The following PTK2 variants were observed in gnomAD, a reference collection of about 807,000 sequenced individuals.
PTK2 encodes protein tyrosine kinase 2.
Under a neutral mutation model 150.1 loss-of-function variants are expected in PTK2, and 45 were observed. The observed-to-expected ratio is 0.30, with a 90% CI of 0.24 to 0.38. PTK2 has a LOEUF of 0.38. Among genes scored for constraint, PTK2 ranks in the 10% least tolerant of loss-of-function variants. The pLI is 1.00. For synonymous variants in PTK2, 432 were observed against 449.2 expected, an observed-to-expected ratio of 0.96 and a Z score of 0.48; for missense variants, 919 against 1,307.3, an observed-to-expected ratio of 0.70 and a Z score of 4.58.
intron 8 of PTK2, among the ~76,000 whole-genome samples, chr8:140,829,525 C>A (rs184988414): frequency 6.6e-6 from 1 of 152,130 alleles, no homozygotes; most frequent in Non-Finnish European, 1.5e-5. Flanking sequence ...TGGATTTTAT[C>A]CCCATTTTAC....
At chr8:140,917,532 T>C (rs2100165775) in intron 2 of PTK2, among the ~76,000 whole-genome samples, 2 of 152,090 alleles carry the variant, frequency 1.3e-5, no homozygotes, top group South Asian at 2.1e-4. Context: ...ACAAACTCAA[T>C]GAAATTAGAA....
intron 26 of PTK2, among the ~76,000 whole-genome samples, chr8:140,694,351 C>T (rs2100025167): frequency 6.6e-6 from 1 of 152,066 alleles, no homozygotes; most frequent in Non-Finnish European, 1.5e-5. Context: ...TGGTAAGCAT[C>T]TTTAGACATT....
At chr8:140,830,069 A>C (rs4434666) in intron 8 of PTK2, among the ~76,000 whole-genome samples, 2 of 151,844 alleles carry the variant, frequency 1.3e-5, no homozygotes, top group African/African-American at 4.8e-5. Context: ...ATGCACTAAC[A>C]TGCACGCACA....
Position 140,972,518 on chromosome 8 carries a change from G to A in PTK2, c.-122+28607C>T, listed in dbSNP as rs139163849. Among the ~76,000 whole-genome samples, 66 of 152,188 alleles carry A rather than the reference G, an allele frequency of 4.3e-4. No homozygotes were observed. In the East Asian group the frequency reaches 9.3e-3, roughly 21 times the overall value. ...GACCTCAAGTGATCTGCCTCCCTCC[G>A]CCTCCCAAAGTGCTGGGATTACAGG... On this transcript the variant is annotated intron_variant, in intron 1 of 31. Transcript: ENST00000522684.
chr8:140,746,737 G>GT lies in PTK2; in HGVS notation c.1518+22dup, dbSNP rs745820321. ...AGATATCAAACGCTGAGTCCAGAAG[G>GT]TAAGATTTGGGGATCACAGTACCTC... On this transcript the variant is annotated intron_variant, in intron 18 of 31. Coordinates refer to ENST00000522684, the Ensembl canonical transcript of PTK2. The GT allele has an allele frequency of 7.8e-6, 12 of 1,541,304 alleles. No homozygotes were observed. In the South Asian group the frequency reaches 1.4e-4, roughly 18 times the overall value.
intron 8 of PTK2, among the ~76,000 whole-genome samples, chr8:140,824,540 G>A (rs1052359727): frequency 2.0e-5 from 3 of 152,232 alleles, no homozygotes; most frequent in African/African-American, 7.2e-5. Context: ...CTTATGGTCT[G>A]TACTTAAATG....
At chr8:140,887,131 T>C (rs1349635709) in intron 3 of PTK2, among the ~76,000 whole-genome samples, 1 of 152,170 alleles carries the variant, frequency 6.6e-6, no homozygotes, top group Non-Finnish European at 1.5e-5. Flanking sequence ...GATTTTGTAA[T>C]AATAACTGGA....
At chr8:140,946,075 A>G (rs1277187195) in intron 1 of PTK2, among the ~76,000 whole-genome samples, 1 of 152,172 alleles carries the variant, frequency 6.6e-6, no homozygotes, top group Non-Finnish European at 1.5e-5. Flanking sequence ...AGGGAAAAGG[A>G]GAAGGAAAGC....
chr8:140,873,114 T>G (rs2100143465), intron 4 of PTK2, among the ~76,000 whole-genome samples: 1 of 152,210 alleles, frequency 6.6e-6, no homozygotes, highest in African/African-American at 2.4e-5. Flanking sequence ...AGCTAGAGTC[T>G]CTGAAAGAGA....
chr8:140,832,059 G>A (rs1008939416), intron 7 of PTK2, among the ~76,000 whole-genome samples: 5 of 152,048 alleles, frequency 3.3e-5, no homozygotes, highest in South Asian at 2.1e-4. Context: ...TCATATCAGA[G>A]TGTTTGTTTT....
chr8:140,756,805 C>T (rs1194562196), intron 16 of PTK2, among the ~76,000 whole-genome samples: 28 of 150,766 alleles, frequency 1.9e-4, no homozygotes, highest in Admixed American at 1.5e-3. Flanking sequence ...CTGGCTAACC[C>T]GTTGAAATCC....
chr8:140,813,234 A>C (rs2100102666), intron 10 of PTK2, among the ~76,000 whole-genome samples: 1 of 152,230 alleles, frequency 6.6e-6, no homozygotes, highest in Non-Finnish European at 1.5e-5. Context: ...AAATTTGCCC[A>C]AAACCACACA....
rs770555545 is a variant in PTK2, at chr8:140,686,482, T to C, written c.2562+150A>G. Reference sequence around the variant, plus strand: ...AATAAAAATTCTAGGCTGTACATCATAGATTTTCATAATCTTAAAATGTTA... The same window carrying C: ...AATAAAAATTCTAGGCTGTACATCACAGATTTTCATAATCTTAAAATGTTA... On this transcript the variant is annotated intron_variant, in intron 27 of 31. Coordinates refer to ENST00000522684, the Ensembl canonical transcript of PTK2. 53 of 761,136 alleles carry C rather than the reference T, an allele frequency of 7.0e-5. 1 individual carries two copies. The highest frequency in any genetic ancestry group is 1.3e-4 in the African/African-American group (7 of 55,902). The allele number at this position is 761,136 out of a possible 1,614,324, so 47.1% of individuals were successfully genotyped here.
rs2100136804 is a variant in PTK2, at chr8:140,862,474, T to C, written c.450+1838A>G. Reference sequence around the variant, plus strand: ...TCAGCTGGAATCTAAAAACGCCTTCTTAATCTTTCCATTTTACCAACTTAA... The same window carrying C: ...TCAGCTGGAATCTAAAAACGCCTTCCTAATCTTTCCATTTTACCAACTTAA... On this transcript the variant is annotated intron_variant, in intron 5 of 31. Coordinates refer to ENST00000522684, the Ensembl canonical transcript of PTK2. 2.0e-5 allele frequency among the ~76,000 whole-genome samples: 3 copies of C among 152,186 alleles called. No individual in the cohort carries two copies. In the South Asian group the frequency reaches 6.2e-4, roughly 32 times the overall value.
At chr8:140,754,925 T>C (rs946456342) in intron 16 of PTK2, among the ~76,000 whole-genome samples, 1 of 152,162 alleles carries the variant, frequency 6.6e-6, no homozygotes, top group African/African-American at 2.4e-5. Flanking sequence ...AAGTTACTAA[T>C]TGGTAATTAC....
chr8:140,916,333 G>A (rs962314262), intron 2 of PTK2, among the ~76,000 whole-genome samples: 5 of 152,184 alleles, frequency 3.3e-5, no homozygotes, highest in African/African-American at 7.2e-5. Flanking sequence ...CCACCACCTC[G>A]TAGGCACGAA....
At chr8:140,809,263 T>C (rs1018840993) in intron 10 of PTK2, among the ~76,000 whole-genome samples, 1 of 152,110 alleles carries the variant, frequency 6.6e-6, no homozygotes, top group African/African-American at 2.4e-5. Context: ...TGAAAATGAA[T>C]AGTACTGCTG....
intron 23 of PTK2, among the ~76,000 whole-genome samples, chr8:140,716,822 G>A (rs1281954740): frequency 6.6e-6 from 1 of 152,088 alleles, no homozygotes. Flanking sequence ...TAACTTTTGA[G>A]AAAAAGAACA....
chr8:140,701,600 G>T (rs1029804456), intron 25 of PTK2, among the ~76,000 whole-genome samples: 1 of 152,106 alleles, frequency 6.6e-6, no homozygotes, highest in Non-Finnish European at 1.5e-5. Context: ...GTAGTTCTTG[G>T]TTTTACCAAG....
Sources: gnomAD v4.1 joint callset for allele counts (sites outside exome capture counted in the v4.1 genomes callset) on GRCh38, gnomAD v4.1.1 for gene constraint, MANE v1.5 for transcripts, NCBI Gene and HGNC (gene_info 2026-07-23, HGNC 2026-07-21) for gene names.